The following CERKL variants were observed in gnomAD, a reference collection of about 807,000 sequenced individuals.
The protein encoded by CERKL is ceramide kinase-like protein.
CERKL carries 61 observed loss-of-function variants against 63.4 expected under a neutral mutation model. The observed-to-expected ratio is 0.96, with a 90% CI of 0.78 to 1.19. CERKL has a LOEUF of 1.19. Ranked by LOEUF, CERKL falls within the 50% of genes most tolerant of loss-of-function variation. CERKL has a pLI of 0.00. For synonymous variants in CERKL, 250 were observed against 230.5 expected (o/e 1.08, Z -0.77); for missense variants, 675 against 655.5 (o/e 1.03, Z -0.33).
Position 181,595,575 on chromosome 2 carries a change from G to A in CERKL, c.481+8262C>T, listed in dbSNP as rs374033402. On this transcript the variant is annotated intron_variant, in intron 2 of 12. Coordinates refer to ENST00000410087, the MANE Select transcript of CERKL (RefSeq NM_201548.5). The stretch of plus-strand genomic sequence containing the variant: ...TTGTAGAGTAACTGATGACCTGCTA[G>A]AATGACACATCAGTTAAGGGTTCCT... 9.1e-4 allele frequency among the ~76,000 whole-genome samples: 138 copies of A among 152,238 alleles called. 4 individuals carry two copies. In the South Asian group the frequency reaches 0.027, roughly 30 times the overall value.
At chr2:181,563,063 A>C (rs1046268470) in intron 4 of CERKL, among the ~76,000 whole-genome samples, 1 of 152,162 alleles carries the variant, frequency 6.6e-6, no homozygotes, top group Non-Finnish European at 1.5e-5. Flanking sequence ...AGATTTTTAA[A>C]ACTATACTCA....
chr2:181,645,380 T>G (rs1215924331), intron 1 of CERKL, among the ~76,000 whole-genome samples: 1 of 152,238 alleles, frequency 6.6e-6, no homozygotes, highest in Non-Finnish European at 1.5e-5. Context: ...TTCAAGGTGC[T>G]GACAGTAAAG....
At chr2:181,622,728 T>C (rs773344886) in intron 1 of CERKL, among the ~76,000 whole-genome samples, 12 of 152,214 alleles carry the variant, frequency 7.9e-5, no homozygotes, top group Non-Finnish European at 1.6e-4. Context: ...TCTTAAAAAT[T>C]GTTCAAATGT....
chr2:181,590,442 A>G (rs1032050586), intron 2 of CERKL, among the ~76,000 whole-genome samples: 20 of 152,140 alleles, frequency 1.3e-4, no homozygotes, highest in African/African-American at 4.8e-4. Context: ...ACCTGGGCCC[A>G]TAAAAGGTTT....
At chr2:181,557,819 A>T (rs972127800) in intron 5 of CERKL, among the ~76,000 whole-genome samples, 16 of 152,068 alleles carry the variant, frequency 1.1e-4, no homozygotes, top group African/African-American at 3.6e-4. Context: ...TATTCCTCAA[A>T]CACTCCTGGG....
At chr2:181,616,363 G>A (rs1246771269) in intron 1 of CERKL, among the ~76,000 whole-genome samples, 8 of 151,860 alleles carry the variant, frequency 5.3e-5, no homozygotes, top group African/African-American at 1.2e-4. Context: ...ACAGGCGCTC[G>A]CCACCATGCC....
intron 3 of CERKL, among the ~76,000 whole-genome samples, chr2:181,570,788 ATATATC>A (rs1453473099): frequency 6.6e-6 from 1 of 152,190 alleles, no homozygotes; most frequent in Non-Finnish European, 1.5e-5. Flanking sequence ...CTTATAGTGT[ATATATC>A]TAGCTGTAAT....
At chr2:181,624,372 TA>T (rs59657204) in intron 1 of CERKL, among the ~76,000 whole-genome samples, 28,290 of 141,378 alleles carry the variant, frequency 0.2, 3,935 homozygotes, top group African/African-American at 0.41. Context: ...TAGTAAAAGT[TA>T]AAAAAAAAAA....
intron 2 of CERKL, among the ~76,000 whole-genome samples, chr2:181,576,859 G>A (rs1339642088): frequency 5.3e-5 from 8 of 152,200 alleles, no homozygotes; most frequent in African/African-American, 1.9e-4. Context: ...TCAAATGTCT[G>A]GCTGGTAAGG....
Position 181,548,594 on chromosome 2 carries a change from AG to A in CERKL, c.1083del (p.Cys362ValfsTer33). On this transcript the variant is annotated frameshift_variant, in exon 8 of 13. Transcript: ENST00000410087. LOFTEE classifies it high-confidence loss of function. ...VKALAKLKAE[D>X]CEISFLPFNS... ...TTAAATGGTAAAAATGATATTTCAC[AG>A]TCTTCTGCCCTAAAATGTAATGAAA... 1 of 1,613,206 alleles carries A rather than the reference AG, an allele frequency of 6.2e-7. No individual in the cohort carries two copies. The highest frequency in any genetic ancestry group is 8.5e-7 in the Non-Finnish European group (1 of 1,179,406).
At chr2:181,655,047 G>A (rs1453995076) in intron 1 of CERKL, among the ~76,000 whole-genome samples, 1 of 152,174 alleles carries the variant, frequency 6.6e-6, no homozygotes, top group Non-Finnish European at 1.5e-5. Context: ...GCCCAAAGTG[G>A]TTTGAATACC....
chr2:181,630,392 T>C (rs565883297), intron 1 of CERKL, among the ~76,000 whole-genome samples: 3 of 152,278 alleles, frequency 2.0e-5, no homozygotes, highest in Admixed American at 6.5e-5. Context: ...AGGAAAACTA[T>C]AGCAAATCAC....
chr2:181,587,960 T>C (rs1241482389), intron 2 of CERKL, among the ~76,000 whole-genome samples: 2 of 152,162 alleles, frequency 1.3e-5, no homozygotes, highest in African/African-American at 2.4e-5. Context: ...GTACTATATG[T>C]TGAAGACCAA....
At chr2:181,617,208 A>G (rs1416055260) in intron 1 of CERKL, 1 of 152,246 alleles carries the variant, frequency 6.6e-6, no homozygotes, top group Non-Finnish European at 1.5e-5. Context: ...ACCCTTGAGT[A>G]TATTTTTAAA....
chr2:181,552,733 CTTTA>C (rs751450388), intron 5 of CERKL, among the ~76,000 whole-genome samples: 16 of 152,080 alleles, frequency 1.1e-4, no homozygotes, highest in Admixed American at 2.0e-4. Context: ...GCATGTTTAT[CTTTA>C]TTTAGCCATT....
At chr2:181,560,673 T>C (rs1688400756) in intron 4 of CERKL, among the ~76,000 whole-genome samples, 1 of 152,176 alleles carries the variant, frequency 6.6e-6, no homozygotes, top group Non-Finnish European at 1.5e-5. Context: ...TTCAAGATTG[T>C]ACCACTAGTA....
chr2:181,647,385 T>C (rs1042935789), intron 1 of CERKL, among the ~76,000 whole-genome samples: 1 of 152,184 alleles, frequency 6.6e-6, no homozygotes, highest in Non-Finnish European at 1.5e-5. Context: ...AAAAGACAGC[T>C]TGTCAGCCCT....
intron 1 of CERKL, among the ~76,000 whole-genome samples, chr2:181,628,662 T>C (rs1340884454): frequency 1.3e-5 from 2 of 152,188 alleles, no homozygotes; most frequent in Non-Finnish European, 2.9e-5. Context: ...AGGGGATACA[T>C]GATCTAAAGT....
chr2:181,638,986 G>GA (rs139349082), intron 1 of CERKL, among the ~76,000 whole-genome samples: 18 of 151,304 alleles, frequency 1.2e-4, no homozygotes, highest in South Asian at 4.2e-4. Context: ...AAATTGAAAG[G>GA]AAAAAAAAGG....
Sources: allele counts gnomAD v4.1 joint callset (sites outside exome capture counted in the v4.1 genomes callset), GRCh38; gene constraint gnomAD v4.1.1; transcripts MANE v1.5; gene names NCBI Gene and HGNC (gene_info 2026-07-23, HGNC 2026-07-21).